The following ZNF385D variants were observed in gnomAD, a reference collection of about 807,000 sequenced individuals.
ZNF385D encodes the protein zinc finger protein 659.
In ZNF385D, 15 loss-of-function variants were observed where a neutral mutation model predicts 35.8. That is an observed-to-expected ratio of 0.42 (90% confidence interval 0.28 to 0.64). The LOEUF (loss-of-function observed/expected upper bound fraction) is 0.64. Among genes scored for constraint, ZNF385D ranks in the 30% least tolerant of loss-of-function variants. The pLI is 0.23. For missense variants in ZNF385D, 474 were observed against 494.6 expected, an observed-to-expected ratio of 0.96 and a Z score of 0.39; for synonymous variants, 212 against 186.8, an observed-to-expected ratio of 1.13 and a Z score of -1.10.
intron 1 of ZNF385D, among the ~76,000 whole-genome samples, chr3:21,747,254 T>C (rs11706906): frequency 0.14 from 21,876 of 152,230 alleles, 1,715 homozygotes; most frequent in South Asian, 0.23. Context: ...GTTTAATTAA[T>C]ATGCCATTAA....
chr3:22,026,185 G>A (rs1395194493), intron 3 of ZNF385D, among the ~76,000 whole-genome samples: 4 of 152,064 alleles, frequency 2.6e-5, no homozygotes, highest in Non-Finnish European at 4.4e-5. Flanking sequence ...AAAAATTCTA[G>A]GTCAAATGGA....
chr3:22,014,216 T>C (rs183435027), intron 3 of ZNF385D, among the ~76,000 whole-genome samples: 5,832 of 151,722 alleles, frequency 0.038, 152 homozygotes, highest in Middle Eastern at 0.075. Context: ...CCTTTTTTTT[T>C]AAAGGGGGAA....
intron 3 of ZNF385D, among the ~76,000 whole-genome samples, chr3:21,895,921 T>C (rs1403918781): frequency 3.3e-5 from 5 of 152,186 alleles, no homozygotes; most frequent in Admixed American, 1.3e-4. Context: ...ATCAAAAATT[T>C]TGTGTCTAAT....
chr3:21,744,490 G>T (rs1452839288), intron 1 of ZNF385D, among the ~76,000 whole-genome samples: 4 of 152,116 alleles, frequency 2.6e-5, no homozygotes, highest in African/African-American at 9.7e-5. Context: ...TTCAAAACTG[G>T]AGACCTTCCT....
chr3:22,133,516 G>A (rs1227398749), intron 3 of ZNF385D: 5 of 152,012 alleles, frequency 3.3e-5, no homozygotes, highest in Non-Finnish European at 7.4e-5. Context: ...ATTAAAATAA[G>A]AATGATTAAA....
intron 3 of ZNF385D, among the ~76,000 whole-genome samples, chr3:22,092,040 G>A (rs1462671778): frequency 6.6e-6 from 1 of 152,170 alleles, no homozygotes; most frequent in African/African-American, 2.4e-5. Context: ...TTATTAGGTG[G>A]AAATACAGAG....
intron 3 of ZNF385D, among the ~76,000 whole-genome samples, chr3:22,076,738 G>T (rs1700484029): frequency 6.6e-6 from 1 of 151,898 alleles, no homozygotes; most frequent in African/African-American, 2.4e-5. Context: ...TTAGGATTGT[G>T]CACCAATTAC....
chr3:21,452,261 G>C (rs995038626), intron 4 of ZNF385D, among the ~76,000 whole-genome samples: 1 of 151,984 alleles, frequency 6.6e-6, no homozygotes, highest in Admixed American at 6.6e-5. Flanking sequence ...TTTCAAAGTA[G>C]AGGTTAGATC....
chr3:22,063,180 G>C (rs1488813691), intron 3 of ZNF385D, among the ~76,000 whole-genome samples: 1 of 151,994 alleles, frequency 6.6e-6, no homozygotes, highest in Non-Finnish European at 1.5e-5. Context: ...TAACCTTTCT[G>C]AACTTCAGTT....
At chr3:22,074,786 T>A (rs1700387071) in intron 3 of ZNF385D, among the ~76,000 whole-genome samples, 1 of 151,900 alleles carries the variant, frequency 6.6e-6, no homozygotes, top group Non-Finnish European at 1.5e-5. Flanking sequence ...TCCCTTCTCA[T>A]GATAATAGAT....
intron 3 of ZNF385D, among the ~76,000 whole-genome samples, chr3:22,167,484 CG>C: frequency 6.6e-6 from 1 of 152,286 alleles, no homozygotes; most frequent in South Asian, 2.1e-4. Flanking sequence ...TCTCACTCTT[CG>C]TTTGTCAGCA....
intron 3 of ZNF385D, among the ~76,000 whole-genome samples, chr3:21,858,999 T>G (rs1696889123): frequency 6.6e-6 from 1 of 152,004 alleles, no homozygotes; most frequent in Non-Finnish European, 1.5e-5. Context: ...GAAGCTAGAA[T>G]AGCAGATATC....
At chr3:22,239,477 T>C (rs1210781206) in intron 2 of ZNF385D, among the ~76,000 whole-genome samples, 2 of 150,646 alleles carry the variant, frequency 1.3e-5, no homozygotes, top group African/African-American at 2.5e-5. Context: ...TCTTTTATAA[T>C]AGAGATATCT....
intron 3 of ZNF385D, among the ~76,000 whole-genome samples, chr3:22,152,326 C>T (rs1705291072): frequency 1.3e-5 from 2 of 152,150 alleles, no homozygotes; most frequent in Non-Finnish European, 2.9e-5. Context: ...TGCTTGACCT[C>T]ATACCACTTA....
At chr3:22,146,162 G>T (rs936548226) in intron 3 of ZNF385D, among the ~76,000 whole-genome samples, 15 of 152,036 alleles carry the variant, frequency 9.9e-5, no homozygotes, top group African/African-American at 3.6e-4. Context: ...GTCTAAGAGG[G>T]AACCATCTGG....
intron 3 of ZNF385D, among the ~76,000 whole-genome samples, chr3:21,821,965 CAAAA>C (rs34222360): frequency 1.3e-4 from 14 of 108,454 alleles, no homozygotes; most frequent in African/African-American, 4.6e-4. Context: ...GACCTTGTCT[CAAAA>C]AAAAAAAAAA....
At chr3:21,650,334 T>C (rs2065872896) in intron 2 of ZNF385D, among the ~76,000 whole-genome samples, 1 of 152,000 alleles carries the variant, frequency 6.6e-6, no homozygotes, top group African/African-American at 2.4e-5. Context: ...GTAGTGAGTA[T>C]TTTTTTCTTC....
intron 2 of ZNF385D, among the ~76,000 whole-genome samples, chr3:21,636,378 T>TTATATATATATATATATATATA (rs1183440640): frequency 4.2e-5 from 2 of 47,982 alleles, no homozygotes; most frequent in African/African-American, 9.0e-5. Flanking sequence ...ATATATATGA[T>TTATATATATATATATATATATA]TATATATATA....
intron 4 of ZNF385D, among the ~76,000 whole-genome samples, chr3:21,485,952 C>T (rs981453284): frequency 1.3e-5 from 2 of 150,724 alleles, no homozygotes; most frequent in African/African-American, 4.9e-5. Context: ...TACTTTTAGG[C>T]ACACCTCACA....
Sources: gnomAD v4.1 joint callset for allele counts (sites outside exome capture counted in the v4.1 genomes callset) on GRCh38, gnomAD v4.1.1 for gene constraint, MANE v1.5 for transcripts, NCBI Gene and HGNC (gene_info 2026-07-23, HGNC 2026-07-21) for gene names.